Variants in LRRTM4 observed in about 807,000 individuals in gnomAD.
The protein encoded by LRRTM4 is leucine rich repeat transmembrane neuronal 4, also known as leucine-rich repeat transmembrane neuronal protein 4.
In LRRTM4, 25 loss-of-function variants were observed where a neutral mutation model predicts 47.6. That is an observed-to-expected ratio of 0.53 (90% confidence interval 0.38 to 0.73). The LOEUF (loss-of-function observed/expected upper bound fraction) is 0.73, where lower values mean the gene tolerates loss of function less well. Among genes scored for constraint, LRRTM4 ranks in the 30% least tolerant of loss-of-function variants. The probability of loss-of-function intolerance (pLI) is 0.00; values close to 1 mark genes in which losing one functional copy is unlikely to be tolerated. For synonymous variants in LRRTM4, 311 were observed against 269.5 expected (o/e 1.15, Z -1.51); for missense variants, 638 against 713.4 (o/e 0.89, Z 1.20).
In LRRTM4 at chr2:76,878,139, C is replaced by T. The variant is rs140199359; in HGVS notation, c.1552-129223G>A. ...TTTTTCATTGTTATTATATCTGTTA[C>T]GATGATCTGTGATCAGTGACCTTAG... On this transcript the variant is annotated intron_variant, in intron 3 of 3. Coordinates refer to ENST00000409884, the MANE Select transcript of LRRTM4 (RefSeq NM_001134745.3). Among the ~76,000 whole-genome samples the T allele has an allele frequency of 1.8e-3, 267 of 152,160 alleles. 1 individual carries two copies. The highest frequency in any genetic ancestry group is 2.1e-3 in the Non-Finnish European group (140 of 68,002).
intron 3 of LRRTM4, among the ~76,000 whole-genome samples, chr2:77,265,864 G>T (rs1676036078): frequency 6.6e-6 from 1 of 152,134 alleles, no homozygotes; most frequent in Non-Finnish European, 1.5e-5. Context: ...AAAAAATGCA[G>T]TCAGATTCTG....
intron 3 of LRRTM4, among the ~76,000 whole-genome samples, chr2:77,044,504 AATGT>A (rs150352052): frequency 0.018 from 2,773 of 151,800 alleles, 64 homozygotes; most frequent in African/African-American, 0.055. Flanking sequence ...TTCTTATAAT[AATGT>A]ATTTTTCTAA....
intron 3 of LRRTM4, among the ~76,000 whole-genome samples, chr2:77,018,259 CTTT>C (rs59294966): frequency 4.0e-5 from 3 of 75,034 alleles, no homozygotes; most frequent in Admixed American, 1.8e-4. Flanking sequence ...CTCTTGATTG[CTTT>C]TTTTTTTTTT....
chr2:76,806,527 G>A (rs1240592989), intron 3 of LRRTM4, among the ~76,000 whole-genome samples: 1 of 152,116 alleles, frequency 6.6e-6, no homozygotes, highest in Non-Finnish European at 1.5e-5. Context: ...GTTGCAATGA[G>A]CCAAGATCAC....
At chr2:76,805,910 A>T (rs1484051079) in intron 3 of LRRTM4, among the ~76,000 whole-genome samples, 1 of 152,138 alleles carries the variant, frequency 6.6e-6, no homozygotes, top group Non-Finnish European at 1.5e-5. Flanking sequence ...ACAAGCTCTA[A>T]TAAATCTTTC....
At position 76,955,295 on chromosome 2, in the gene LRRTM4, T is replaced by TA. The variant is rs1208747300; in HGVS notation, c.1552-206380dup. 5.9e-5 allele frequency among the ~76,000 whole-genome samples: 9 copies of TA among 151,704 alleles called. No homozygotes were observed. In the East Asian group the frequency reaches 1.2e-3, roughly 20 times the overall value. On this transcript the variant is annotated intron_variant, in intron 3 of 3. Coordinates refer to ENST00000409884, the MANE Select transcript of LRRTM4 (RefSeq NM_001134745.3). ...AAAATAGGTCAATTGACACACAATA[T>TA]AAAAAAATGTGACTTGTGACATCAA...
chr2:76,874,908 T>A (rs1672735859), intron 3 of LRRTM4, among the ~76,000 whole-genome samples: 1 of 151,374 alleles, frequency 6.6e-6, no homozygotes, highest in Non-Finnish European at 1.5e-5. Context: ...TTGAATATTC[T>A]GTTCATGTAT....
chr2:77,134,583 A>G lies in LRRTM4; in HGVS notation c.1551+383735T>C, dbSNP rs1396610514. On this transcript the variant is annotated intron_variant, in intron 3 of 3. Coordinates refer to ENST00000409884, the MANE Select transcript of LRRTM4 (RefSeq NM_001134745.3). ...TTCAGTTTTCACATGACTATGTCTGATTTCTTATAACTAAAAAACACAGTG... is the reference window on the plus strand; with the variant it reads ...TTCAGTTTTCACATGACTATGTCTGGTTTCTTATAACTAAAAAACACAGTG... 3.3e-5 allele frequency among the ~76,000 whole-genome samples: 5 copies of G among 152,292 alleles called. No homozygotes were observed. In the East Asian group the frequency reaches 9.6e-4, roughly 29 times the overall value.
At chr2:77,448,061 A>C (rs1558748122) in intron 3 of LRRTM4, among the ~76,000 whole-genome samples, 1 of 152,216 alleles carries the variant, frequency 6.6e-6, no homozygotes, top group Non-Finnish European at 1.5e-5. Context: ...AAAGACAGAA[A>C]ATAAATTATG....
intron 3 of LRRTM4, among the ~76,000 whole-genome samples, chr2:77,003,788 G>A (rs906997416): frequency 2.6e-5 from 4 of 151,430 alleles, no homozygotes; most frequent in Non-Finnish European, 5.9e-5. Context: ...GGCAGAGGTT[G>A]CAACAGATTG....
At chr2:76,766,989 T>G (rs1486814535) in intron 3 of LRRTM4, among the ~76,000 whole-genome samples, 1 of 152,150 alleles carries the variant, frequency 6.6e-6, no homozygotes, top group Non-Finnish European at 1.5e-5. Flanking sequence ...CAGCTACAGC[T>G]CCTACCTAGA....
intron 3 of LRRTM4, among the ~76,000 whole-genome samples, chr2:76,850,999 T>A (rs776750772): frequency 6.6e-6 from 1 of 152,200 alleles, no homozygotes; most frequent in Non-Finnish European, 1.5e-5. Context: ...AAAGCTCCGA[T>A]TGATTTTGGC....
At position 76,865,642 on chromosome 2, in the gene LRRTM4, TATA is replaced by T. The variant is rs562581954; in HGVS notation, c.1552-116729_1552-116727del. Among the ~76,000 whole-genome samples, 323 of 152,258 alleles carry T rather than the reference TATA, an allele frequency of 2.1e-3. 1 individual carries two copies. The highest frequency in any genetic ancestry group is 7.7e-3 in the African/African-American group (319 of 41,548). ...GAGCTCCTTCCTATAATTCCTAAGATATAATGATATTTTAGAATAAAAGGAATC... is the reference window on the plus strand; with the variant it reads ...GAGCTCCTTCCTATAATTCCTAAGATATGATATTTTAGAATAAAAGGAATC... On this transcript the variant is annotated intron_variant, in intron 3 of 3. Transcript: ENST00000409884.
intron 3 of LRRTM4, among the ~76,000 whole-genome samples, chr2:77,302,451 C>G (rs1454348602): frequency 6.6e-6 from 1 of 152,090 alleles, no homozygotes; most frequent in Non-Finnish European, 1.5e-5. Flanking sequence ...AGCACGAATA[C>G]TGGGATTCAA....
At chr2:77,247,684 G>T (rs796212310) in intron 3 of LRRTM4, among the ~76,000 whole-genome samples, 1 of 151,956 alleles carries the variant, frequency 6.6e-6, no homozygotes, top group Non-Finnish European at 1.5e-5. Flanking sequence ...ATTGCTAAGA[G>T]GTTGGAGAGA....
intron 3 of LRRTM4, among the ~76,000 whole-genome samples, chr2:77,105,817 C>G (rs1371132093): frequency 2.0e-5 from 3 of 152,120 alleles, no homozygotes; most frequent in African/African-American, 7.2e-5. Context: ...AATAATGATA[C>G]ATGAGGTTTC....
chr2:77,180,799 A>G (rs1673326660), intron 3 of LRRTM4, among the ~76,000 whole-genome samples: 1 of 152,160 alleles, frequency 6.6e-6, no homozygotes, highest in African/African-American at 2.4e-5. Flanking sequence ...AACATTTGAA[A>G]GGAGAAATCG....
intron 3 of LRRTM4, among the ~76,000 whole-genome samples, chr2:77,082,921 C>T (rs888886768): frequency 4.6e-5 from 7 of 151,974 alleles, no homozygotes; most frequent in Admixed American, 1.3e-4. Context: ...ACTTGTTGTG[C>T]ATCTTATATT....
chr2:77,136,997 T>G (rs984195525), intron 3 of LRRTM4, among the ~76,000 whole-genome samples: 5 of 151,932 alleles, frequency 3.3e-5, no homozygotes, highest in African/African-American at 1.2e-4. Context: ...AATCTACGTC[T>G]GATTGGTGTA....
Sources: gnomAD v4.1 joint callset for allele counts (sites outside exome capture counted in the v4.1 genomes callset) on GRCh38, gnomAD v4.1.1 for gene constraint, MANE v1.5 for transcripts, NCBI Gene and HGNC (gene_info 2026-07-23, HGNC 2026-07-21) for gene names.